USP3: variants seen among roughly 807,000 people sequenced by gnomAD.
USP3 encodes ubiquitin specific peptidase 3, also known as ubiquitin carboxyl-terminal hydrolase 3.
A neutral mutation model predicts 72.3 loss-of-function variants in USP3; 20 were observed. That is an observed-to-expected ratio of 0.28 (90% CI 0.19 to 0.40). The LOEUF is 0.40. Ranked by LOEUF, USP3 falls within the 10% of genes least tolerant of loss-of-function variation. USP3 has a pLI of 1.00. For synonymous variants in USP3, 222 were observed against 225.3 expected (o/e 0.99, Z 0.13); for missense variants, 479 against 633.9 (o/e 0.76, Z 2.62).
Position 63,590,977 on chromosome 15 carries a change from G to GGCACCAACTAATTTTGT in USP3, c.*152_*168dup. ...CAATGGTAGTGACTTACTGAACATG[G>GGCACCAACTAATTTTGT]GCACCAACTAATTTTGTTGTTGTTC... On this transcript the variant is annotated 3_prime_UTR_variant, in exon 15 of 15. Coordinates refer to ENST00000380324, the MANE Select transcript of USP3 (RefSeq NM_006537.4). 1.1e-6 allele frequency: 1 copy of GGCACCAACTAATTTTGT among 902,712 alleles called. No individual in the cohort carries two copies. Among genetic ancestry groups the GGCACCAACTAATTTTGT allele is most frequent in the Non-Finnish European group, 1.5e-6 (1 of 659,246 alleles). 55.9% of individuals were successfully genotyped at this position (902,712 alleles called of 1,614,324 possible).
At chr15:63,561,814 T>C (rs895952322) in intron 7 of USP3, among the ~76,000 whole-genome samples, 1 of 152,194 alleles carries the variant, frequency 6.6e-6, no homozygotes, top group African/African-American at 2.4e-5. Flanking sequence ...CCTATGTGAT[T>C]GTGAGGGTTG....
At chr15:63,519,524 C>A (rs1301882544) in intron 1 of USP3, among the ~76,000 whole-genome samples, 1 of 152,074 alleles carries the variant, frequency 6.6e-6, no homozygotes, top group Non-Finnish European at 1.5e-5. Context: ...AAGAGTTGGT[C>A]TGTCTTGTTT....
At chr15:63,559,430 G>A (rs1351016487) in intron 6 of USP3, among the ~76,000 whole-genome samples, 2 of 152,136 alleles carry the variant, frequency 1.3e-5, no homozygotes, top group Non-Finnish European at 2.9e-5. Context: ...TGCTCAAAGA[G>A]GAAATTATAA....
chr15:63,573,476 C>T (rs533239684), intron 9 of USP3, among the ~76,000 whole-genome samples: 21 of 152,288 alleles, frequency 1.4e-4, no homozygotes, highest in African/African-American at 3.6e-4. Context: ...AAGTGTTCTC[C>T]GCAGTAATAT....
At chr15:63,535,013 C>T (rs921563780) in intron 2 of USP3, among the ~76,000 whole-genome samples, 16 of 152,158 alleles carry the variant, frequency 1.1e-4, no homozygotes, top group Admixed American at 2.0e-4. Context: ...CTCACTGCAA[C>T]CTCTGCCTCC....
rs570907980 is a variant in USP3 at position 63,565,166 on chromosome 15, G to A, written c.761+2158G>A. On this transcript the variant is annotated intron_variant, in intron 8 of 14. Transcript: ENST00000380324. Reference sequence around the variant, plus strand: ...TGAGGACTCTGAAATACAAACATGCGTGTAGAAGTAGAAACATCTTTCATC... The same window carrying A: ...TGAGGACTCTGAAATACAAACATGCATGTAGAAGTAGAAACATCTTTCATC... Among the ~76,000 whole-genome samples the A allele has an allele frequency of 8.7e-4, 133 of 152,200 alleles. 1 individual carries two copies. The highest frequency in any genetic ancestry group is 3.4e-3 in the Middle Eastern group (1 of 294).
In USP3 at chr15:63,592,714, G is replaced by T. The variant is rs532697086; in HGVS notation, c.*1888G>T. 2.6e-5 allele frequency: 4 copies of T among 151,806 alleles called. No homozygotes were observed. The highest frequency in any genetic ancestry group is 5.9e-5 in the Non-Finnish European group (4 of 67,938). 9.4% of individuals were successfully genotyped at this position (151,806 alleles called of 1,614,324 possible). A position where few individuals can be genotyped will look rare whatever the true frequency, so the allele number is the denominator to read the frequency against. On this transcript the variant is annotated 3_prime_UTR_variant, in exon 15 of 15. Transcript: ENST00000380324. ...GCTTCCCAAGGTGCTAGCATTACAGGCATGAGCCACCACGCCCAGCCTGTT... is the reference window on the plus strand; with the variant it reads ...GCTTCCCAAGGTGCTAGCATTACAGTCATGAGCCACCACGCCCAGCCTGTT...
Position 63,593,948 on chromosome 15 carries a change from A to G in USP3, c.*3122A>G, listed in dbSNP as rs1297293004. 1 of 152,196 alleles carries G rather than the reference A, an allele frequency of 6.6e-6. No homozygotes were observed. Among genetic ancestry groups the G allele is most frequent in the Non-Finnish European group, 1.5e-5 (1 of 68,044 alleles). The allele number at this position is 152,196 out of a possible 1,614,324, so 9.4% of individuals were successfully genotyped here. On this transcript the variant is annotated 3_prime_UTR_variant, in exon 15 of 15. Transcript: ENST00000380324. ...ACAGAAACAGTTTGTGGCAACACAA[A>G]TCTCTCTCCATGGTGGAGAAACCTT...
In USP3 at chr15:63,570,324, T is replaced by C; in HGVS notation, c.762-109T>C. 2 of 1,429,708 alleles carry C rather than the reference T, an allele frequency of 1.4e-6. No homozygotes were observed. The highest frequency in any genetic ancestry group is 1.9e-6 in the Non-Finnish European group (2 of 1,053,252). The allele number at this position is 1,429,708 out of a possible 1,614,324, so 88.6% of individuals were successfully genotyped here. A position where few individuals can be genotyped will look rare whatever the true frequency, so the allele number is the denominator to read the frequency against. Reference sequence around the variant, plus strand: ...TGAAGGTGAGGAAGCCTGGCTGTGCTTGTGAGCACGGGGCTGCCGTCCTTT... The same window carrying C: ...TGAAGGTGAGGAAGCCTGGCTGTGCCTGTGAGCACGGGGCTGCCGTCCTTT... On this transcript the variant is annotated intron_variant, in intron 8 of 14. Coordinates refer to ENST00000380324, the MANE Select transcript of USP3 (RefSeq NM_006537.4). The surrounding 1 kb of genome is among the most constrained non-coding windows in gnomAD (Gnocchi z 4.4).
rs1217681032 is a variant in USP3 at position 63,593,118 on chromosome 15, G to GTTTAGC, written c.*2297_*2298insCTTTAG. On this transcript the variant is annotated 3_prime_UTR_variant, in exon 15 of 15. Coordinates refer to ENST00000380324, the MANE Select transcript of USP3 (RefSeq NM_006537.4). ...CCAAAGAATAAAACTTTGCCATCAT[G>GTTTAGC]TTTAGGTCTTACAACTTTGAGTCCT... is the stretch of plus-strand genomic sequence containing the variant. 3.3e-5 allele frequency: 5 copies of GTTTAGC among 152,180 alleles called. No homozygotes were observed. Among genetic ancestry groups the GTTTAGC allele is most frequent in the African/African-American group, 1.2e-4 (5 of 41,446 alleles). The allele number at this position is 152,180 out of a possible 1,614,324, so 9.4% of individuals were successfully genotyped here.
At chr15:63,539,482 T>C (rs1238128518) in intron 3 of USP3, among the ~76,000 whole-genome samples, 1 of 152,218 alleles carries the variant, frequency 6.6e-6, no homozygotes, top group Non-Finnish European at 1.5e-5. Flanking sequence ...GGAATTATAT[T>C]CAAGGCCCTT....
intron 11 of USP3, among the ~76,000 whole-genome samples, chr15:63,586,356 T>TTGAG (rs1218223701): frequency 9.2e-5 from 14 of 152,316 alleles, no homozygotes; most frequent in African/African-American, 3.4e-4. Flanking sequence ...TTTTTCTAGT[T>TTGAG]TGAGTGTTCA....
At chr15:63,515,000 A>T (rs1477696458) in intron 1 of USP3, among the ~76,000 whole-genome samples, 4 of 152,150 alleles carry the variant, frequency 2.6e-5, no homozygotes, top group Non-Finnish European at 1.5e-5. Context: ...CTTCATAGGG[A>T]AAGTTATTTT....
At chr15:63,525,516 G>C (rs4984296) in intron 1 of USP3, among the ~76,000 whole-genome samples, 80,629 of 151,978 alleles carry the variant, frequency 0.53, 22,412 homozygotes, top group African/African-American at 0.6. Context: ...CTTGGCAGTT[G>C]CTTCATGTAG....
chr15:63,574,035 A>AT lies in USP3; in HGVS notation c.909-7dup. 1 of 1,545,202 alleles carries AT rather than the reference A, an allele frequency of 6.5e-7. No homozygotes were observed. ...TACTGAGATATTTTCCTGTGTGGTG[A>AT]TTTTGTTTAGAAATGGAGCATCTAC... On this transcript the variant is annotated splice_polypyrimidine_tract_variant and intron_variant, in intron 9 of 14. Coordinates refer to ENST00000380324, the MANE Select transcript of USP3 (RefSeq NM_006537.4). The surrounding 1 kb of genome is among the most constrained non-coding windows in gnomAD (Gnocchi z 4.6).
chr15:63,539,372 G>A (rs926464456), intron 3 of USP3, among the ~76,000 whole-genome samples: 4 of 152,098 alleles, frequency 2.6e-5, no homozygotes, highest in Non-Finnish European at 4.4e-5. Flanking sequence ...CAATTAAATC[G>A]CTGTGTGCTA....
Position 63,581,345 on chromosome 15 carries a change from T to TTGTGTG in USP3, c.1097-6910_1097-6905dup, listed in dbSNP as rs59188081. On this transcript the variant is annotated intron_variant, in intron 11 of 14. Transcript: ENST00000380324. ...TTTATATGTATGTTTGTGTTGGTTT[T>TTGTGTG]TGTGTGTGTGTGTGTGTGTGTGTGT... is the stretch of plus-strand genomic sequence containing the variant. Among the ~76,000 whole-genome samples the TTGTGTG allele has an allele frequency of 4.9e-3, 640 of 130,122 alleles. 7 individuals are homozygous for TTGTGTG. The highest frequency in any genetic ancestry group is 0.014 in the East Asian group (52 of 3,830). 85.4% of individuals were successfully genotyped at this position (130,122 alleles called of 152,430 possible).
In USP3 at chr15:63,574,531, AAACT is replaced by A; in HGVS notation, c.1096+129_1096+132del. ...TCTGTGTTGTAACTTAACAAAAGTC[AAACT>A]TGAATGTCTTTTCCTACTCCCCAAA... On this transcript the variant is annotated intron_variant, in intron 11 of 14. Transcript: ENST00000380324. The surrounding 1 kb of genome is among the most constrained non-coding windows in gnomAD (Gnocchi z 4.6). The A allele has an allele frequency of 1.6e-6, 1 of 638,810 alleles. No individual in the cohort carries two copies. Among genetic ancestry groups the A allele is most frequent in the Admixed American group, 4.0e-5 (1 of 25,230 alleles). 39.6% of individuals were successfully genotyped at this position (638,810 alleles called of 1,614,324 possible). A position where few individuals can be genotyped will look rare whatever the true frequency, so the allele number is the denominator to read the frequency against.
intron 1 of USP3, among the ~76,000 whole-genome samples, chr15:63,511,270 A>AAAAAAAAAAAAAG (rs2065777370): frequency 6.8e-6 from 1 of 148,088 alleles, no homozygotes. Flanking sequence ...TTTTCTTAAA[A>AAAAAAAAAAAAAG]AAAAAAAAAA....
Sources: gnomAD v4.1 joint callset for allele counts (sites outside exome capture counted in the v4.1 genomes callset) on GRCh38, gnomAD v4.1.1 for gene constraint, Gnocchi (gnomAD v3.1) non-coding constraint, MANE v1.5 for transcripts, NCBI Gene and HGNC (gene_info 2026-07-23, HGNC 2026-07-21) for gene names.